The following MCCC2 variants were observed in gnomAD, a reference collection of about 807,000 sequenced individuals.
The protein encoded by MCCC2 is methylcrotonyl-CoA carboxylase subunit 2, also known as methylcrotonoyl-CoA carboxylase beta chain, mitochondrial.
A neutral mutation model predicts 77.2 loss-of-function variants in MCCC2; 52 were observed. That is an observed-to-expected ratio of 0.67 (90% CI 0.54 to 0.85). MCCC2 has a LOEUF of 0.85. MCCC2 is among the 40% of genes least tolerant of loss of function. The probability of loss-of-function intolerance (pLI) is 0.00; values close to 1 mark genes in which losing one functional copy is unlikely to be tolerated. For synonymous variants in MCCC2, 253 were observed against 248.4 expected, an observed-to-expected ratio of 1.02 and a Z score of -0.18; for missense variants, 682 against 703.2, an observed-to-expected ratio of 0.97 and a Z score of 0.34.
chr5:71,626,873 T>TA (rs1746545911), intron 7 of MCCC2, 120 bp downstream of exon 7: 1 of 965,896 alleles, frequency 1.0e-6, no homozygotes, highest in Admixed American at 2.0e-5. Flanking sequence ...ACATAAAACT[T>TA]ACTGTTGTAA....
At chr5:71,644,721 A>C (rs910818812) in intron 12 of MCCC2, among the ~76,000 whole-genome samples, 4 of 152,096 alleles carry the variant, frequency 2.6e-5, no homozygotes, top group Non-Finnish European at 4.4e-5. Flanking sequence ...TAACAGGGTA[A>C]AAGTTCTCTT....
At chr5:71,635,716 A>G (rs1296474234) in intron 10 of MCCC2, 1 of 263,506 alleles carries the variant, frequency 3.8e-6, no homozygotes, top group African/African-American at 2.2e-5. Flanking sequence ...CATTGTCGAC[A>G]TAGTGTTCTG....
chr5:71,609,852 T>G (rs1343841291), intron 6 of MCCC2, among the ~76,000 whole-genome samples: 8 of 152,020 alleles, frequency 5.3e-5, no homozygotes, highest in Admixed American at 5.2e-4. Flanking sequence ...GTGCCCCTGC[T>G]GGGGGGTGCC....
intron 1 of MCCC2, among the ~76,000 whole-genome samples, chr5:71,590,036 C>T (rs936094451): frequency 6.6e-6 from 1 of 152,132 alleles, no homozygotes; most frequent in Non-Finnish European, 1.5e-5. Flanking sequence ...GACTGTCAGG[C>T]ACTAACCTCT....
chr5:71,626,620 G>A lies in MCCC2; in HGVS notation c.625-20G>A. 6.3e-7 allele frequency: 1 copy of A among 1,594,848 alleles called. No individual in the cohort carries two copies. Among genetic ancestry groups the A allele is most frequent in the Non-Finnish European group, 8.6e-7 (1 of 1,162,594 alleles). On this transcript the variant is annotated intron_variant, in intron 6 of 16. Coordinates refer to ENST00000340941, the MANE Select transcript of MCCC2 (RefSeq NM_022132.5). ...TGCATGAGCTGCATCTCATGTGTTT[G>A]TCGTGTGCTTGGATTCCAGATCGCA... is the stretch of plus-strand genomic sequence containing the variant.
At chr5:71,626,193 G>T (rs1746523141) in intron 6 of MCCC2, among the ~76,000 whole-genome samples, 1 of 152,100 alleles carries the variant, frequency 6.6e-6, no homozygotes, top group South Asian at 2.1e-4. Context: ...ATTACATCCA[G>T]CGTAACACAA....
chr5:71,650,985 A>T (rs572508532), intron 15 of MCCC2, among the ~76,000 whole-genome samples: 27 of 151,844 alleles, frequency 1.8e-4, no homozygotes, highest in Admixed American at 1.6e-3. Flanking sequence ...GGGTTTCACT[A>T]TGTTGGCCAG....
At position 71,652,768 on chromosome 5, in the gene MCCC2, C is replaced by T. The variant is rs753393760; in HGVS notation, c.1574+14C>T. The T allele has an allele frequency of 1.2e-6, 2 of 1,610,096 alleles. No individual in the cohort carries two copies. The highest frequency in any genetic ancestry group is 1.7e-6 in the Non-Finnish European group (2 of 1,176,410). ...TTCCAGCGCAAGGTGGGGGCCAGAA[C>T]ATCACTAACTCTCTGATGGGTGCAG... is the stretch of plus-strand genomic sequence containing the variant. On this transcript the variant is annotated intron_variant, in intron 16 of 16. Coordinates refer to ENST00000340941, the MANE Select transcript of MCCC2 (RefSeq NM_022132.5).
Position 71,652,991 on chromosome 5 carries a change from G to A in MCCC2, c.1574+237G>A, listed in dbSNP as rs277976. Among the ~76,000 whole-genome samples the A allele has an allele frequency of 0.32, 48,603 of 152,182 alleles. 9,779 individuals are homozygous for A. The highest frequency in any genetic ancestry group is 0.45 in the South Asian group (2,156 of 4,826). On this transcript the variant is annotated intron_variant, in intron 16 of 16. Transcript: ENST00000340941. ...ACTCACCACCAGTGGTCTGATTCTCGCTTCCCTTGTCTTCCCCCTAGTTGA... is the reference window on the plus strand; with the variant it reads ...ACTCACCACCAGTGGTCTGATTCTCACTTCCCTTGTCTTCCCCCTAGTTGA...
rs1233989674 is a variant in MCCC2, at chr5:71,657,635, C to T, written c.*775C>T. On this transcript the variant is annotated 3_prime_UTR_variant, in exon 17 of 17. Coordinates refer to ENST00000340941, the MANE Select transcript of MCCC2 (RefSeq NM_022132.5). ...AGAGACGGGATTTCACTAGGTTGCC[C>T]AGGCTGGTCTCAAACTACTGACCTC... 1 of 152,244 alleles carries T rather than the reference C, an allele frequency of 6.6e-6. No homozygotes were observed. Among genetic ancestry groups the T allele is most frequent in the Non-Finnish European group, 1.5e-5 (1 of 68,140 alleles). The allele number at this position is 152,244 out of a possible 1,614,324, so 9.4% of individuals were successfully genotyped here.
intron 6 of MCCC2, among the ~76,000 whole-genome samples, chr5:71,625,832 G>A (rs954028066): frequency 2.0e-5 from 3 of 152,116 alleles, no homozygotes; most frequent in Non-Finnish European, 4.4e-5. Context: ...AGAACATGCT[G>A]TTTGCATGCC....
chr5:71,614,074 C>A (rs979064245), intron 6 of MCCC2, among the ~76,000 whole-genome samples: 2 of 146,834 alleles, frequency 1.4e-5, no homozygotes, highest in Non-Finnish European at 3.0e-5. Context: ...CTTTGAGCTA[C>A]TTCTCTTAGC....
At chr5:71,608,983 C>T (rs887566821) in intron 6 of MCCC2, among the ~76,000 whole-genome samples, 89 of 152,192 alleles carry the variant, frequency 5.8e-4, no homozygotes, top group Non-Finnish European at 1.1e-3. Context: ...CGACCTTTCT[C>T]TCTGGCTGCC....
At chr5:71,647,600 C>T (rs187198851) in intron 13 of MCCC2, among the ~76,000 whole-genome samples, 10 of 152,184 alleles carry the variant, frequency 6.6e-5, no homozygotes, top group Non-Finnish European at 1.3e-4. Context: ...TTTGAGGTTC[C>T]TGTGGGATAT....
intron 7 of MCCC2, 102 bp downstream of exon 7, chr5:71,626,855 TA>T: frequency 9.2e-7 from 1 of 1,090,246 alleles, no homozygotes; most frequent in Non-Finnish European, 1.4e-6. Flanking sequence ...TGTGATAAAA[TA>T]TGCATAACAT....
chr5:71,644,066 TGTGTGCGC>T (rs768732428), intron 12 of MCCC2, among the ~76,000 whole-genome samples, 171 bp downstream of exon 12: 64 of 139,770 alleles, frequency 4.6e-4, no homozygotes, highest in East Asian at 2.5e-3. Flanking sequence ...TGTGTGTGTG[TGTGTGCGC>T]GCGTGTGTAT....
chr5:71,615,385 T>C (rs1386022924), intron 6 of MCCC2, among the ~76,000 whole-genome samples: 2 of 152,180 alleles, frequency 1.3e-5, no homozygotes, highest in Non-Finnish European at 2.9e-5. Flanking sequence ...CACAGCCTCT[T>C]GGTATCATCA....
chr5:71,612,108 A>G (rs1339522265), intron 6 of MCCC2, among the ~76,000 whole-genome samples: 1 of 151,952 alleles, frequency 6.6e-6, no homozygotes, highest in African/African-American at 2.4e-5. Flanking sequence ...CTGGTCAAAT[A>G]CTTTATTCCT....
intron 7 of MCCC2, among the ~76,000 whole-genome samples, chr5:71,630,321 G>C (rs886594204): frequency 3.3e-5 from 5 of 152,016 alleles, no homozygotes. Context: ...TTTTGAAGGC[G>C]CTTTTTGTTC....
Sources: gnomAD v4.1 joint callset for allele counts (sites outside exome capture counted in the v4.1 genomes callset) on GRCh38, gnomAD v4.1.1 for gene constraint, MANE v1.5 for transcripts, NCBI Gene and HGNC (gene_info 2026-07-23, HGNC 2026-07-21) for gene names.